DENND5A: variants seen among roughly 807,000 people sequenced by gnomAD.
The protein encoded by DENND5A is DENN domain containing 5A, also known as DENN domain-containing protein 5A.
DENND5A carries 64 observed loss-of-function variants against 140.3 expected under a neutral mutation model. The ratio of observed to expected loss-of-function variants is 0.46; its 90% confidence interval spans 0.37 to 0.56. The LOEUF (loss-of-function observed/expected upper bound fraction) is 0.56. Among genes scored for constraint, DENND5A ranks in the 20% least tolerant of loss-of-function variants. The pLI, the probability that DENND5A is intolerant of heterozygous loss-of-function variation, is 0.00. For synonymous variants in DENND5A, 605 were observed against 607.7 expected, an observed-to-expected ratio of 1.00 and a Z score of 0.07; for missense variants, 1,292 against 1,593.8, an observed-to-expected ratio of 0.81 and a Z score of 3.22.
At chr11:9,144,859 G>T in intron 18 of DENND5A, 136 bp downstream of exon 18, 2 of 687,280 alleles carry the variant, frequency 2.9e-6, no homozygotes, top group Non-Finnish European at 5.3e-6. Flanking sequence ...AAGTGTATGA[G>T]GCAGAGCCAA....
intron 5 of DENND5A, among the ~76,000 whole-genome samples, chr11:9,189,788 G>C (rs1042914530): frequency 1.3e-5 from 2 of 152,182 alleles, no homozygotes; most frequent in Non-Finnish European, 2.9e-5. Context: ...TAACAGGCTT[G>C]TGCCACCATG....
At chr11:9,203,294 A>G (rs1420378835) in intron 4 of DENND5A, among the ~76,000 whole-genome samples, 1 of 152,308 alleles carries the variant, frequency 6.6e-6, no homozygotes, top group Non-Finnish European at 1.5e-5. Context: ...TGAATCCTCA[A>G]TTTTACTAGG....
At chr11:9,222,868 T>C (rs1367621207) in intron 1 of DENND5A, among the ~76,000 whole-genome samples, 1 of 152,230 alleles carries the variant, frequency 6.6e-6, no homozygotes, top group Non-Finnish European at 1.5e-5. Context: ...AAGCTGCAAC[T>C]ACATCAGTTA....
chr11:9,226,423 T>C (rs939413429), intron 1 of DENND5A, among the ~76,000 whole-genome samples: 4 of 152,182 alleles, frequency 2.6e-5, no homozygotes, highest in African/African-American at 9.7e-5. Context: ...ATTTGTTCTA[T>C]CCTTTCCAAT....
intron 1 of DENND5A, among the ~76,000 whole-genome samples, chr11:9,254,936 T>C (rs1851880792): frequency 6.6e-6 from 1 of 151,902 alleles, no homozygotes; most frequent in Non-Finnish European, 1.5e-5. Flanking sequence ...CTGGGCGTGA[T>C]GGCAGATGCA....
At chr11:9,203,076 C>T (rs188918744) in intron 4 of DENND5A, among the ~76,000 whole-genome samples, 1 of 152,310 alleles carries the variant, frequency 6.6e-6, no homozygotes, top group Admixed American at 6.5e-5. Flanking sequence ...ATAGTGCACT[C>T]TCAGTAAATA....
chr11:9,172,157 G>A lies in DENND5A; in HGVS notation c.1907-1380C>T, dbSNP rs926986607. ...TAACTGCAGTCCCTAAGGTAGGGAT[G>A]GGGAGAACAGAAAAATTACTAGAAG... On this transcript the variant is annotated intron_variant, in intron 8 of 22. Coordinates refer to ENST00000328194, the MANE Select transcript of DENND5A (RefSeq NM_015213.4). 2.0e-5 allele frequency: 3 copies of A among 152,210 alleles called. No homozygotes were observed. In the East Asian group the frequency reaches 5.8e-4, roughly 29 times the overall value. 9.4% of individuals were successfully genotyped at this position (152,210 alleles called of 1,614,324 possible).
At chr11:9,207,142 C>T (rs1241521729) in intron 2 of DENND5A, 2 of 427,364 alleles carry the variant, frequency 4.7e-6, no homozygotes, top group Admixed American at 3.9e-5. Flanking sequence ...TGCTTAAAGT[C>T]AACTAAAAAC....
At chr11:9,149,353 G>C (rs2136121704) in intron 15 of DENND5A, among the ~76,000 whole-genome samples, 1 of 152,310 alleles carries the variant, frequency 6.6e-6, no homozygotes, top group African/African-American at 2.4e-5. Context: ...TGAATCCCTA[G>C]TGGATGCCAA....
intron 1 of DENND5A, among the ~76,000 whole-genome samples, chr11:9,228,851 A>G (rs534908712): frequency 1.3e-5 from 2 of 152,296 alleles, no homozygotes; most frequent in African/African-American, 4.8e-5. Flanking sequence ...AACTTGCCCC[A>G]TCCATCTCTT....
In DENND5A at chr11:9,139,446, C is replaced by T. The variant is rs1283567214; in HGVS notation, c.*225G>A. On this transcript the variant is annotated 3_prime_UTR_variant, in exon 23 of 23. Coordinates refer to ENST00000328194, the MANE Select transcript of DENND5A (RefSeq NM_015213.4). ...GCTTCAAAATAAGCGGCACCAGCCT[C>T]GCTCCCTCTCCCTATCACTCTTTCA... 2 of 526,088 alleles carry T rather than the reference C, an allele frequency of 3.8e-6. No individual in the cohort carries two copies. Among genetic ancestry groups the T allele is most frequent in the South Asian group, 2.4e-5 (1 of 41,242 alleles). 32.6% of individuals were successfully genotyped at this position (526,088 alleles called of 1,614,324 possible). A position where few individuals can be genotyped will look rare whatever the true frequency, so the allele number is the denominator to read the frequency against.
rs544467344 is a variant in DENND5A at position 9,140,957 on chromosome 11, T to C, written c.3680+983A>G. ...GCCTGACCAACATGGAGAAACCCCG[T>C]CTCTACTAACAATACAAAACTAGCC... On this transcript the variant is annotated intron_variant, in intron 22 of 22. Transcript: ENST00000328194. Among the ~76,000 whole-genome samples, 375 of 152,124 alleles carry C rather than the reference T, an allele frequency of 2.5e-3. 1 individual carries two copies. Among genetic ancestry groups the C allele is most frequent in the African/African-American group, 7.8e-3 (322 of 41,484 alleles).
chr11:9,195,591 T>C (rs1223956630), intron 4 of DENND5A, among the ~76,000 whole-genome samples: 1 of 152,142 alleles, frequency 6.6e-6, no homozygotes, highest in African/African-American at 2.4e-5. Flanking sequence ...CATAAAGTAG[T>C]TGTAAGTAAC....
intron 15 of DENND5A, among the ~76,000 whole-genome samples, chr11:9,149,305 T>TG (rs1847534931): frequency 6.6e-6 from 1 of 152,234 alleles, no homozygotes; most frequent in African/African-American, 2.4e-5. Flanking sequence ...GTCCACCTCC[T>TG]GTCTGTGCAG....
chr11:9,239,222 G>A (rs980829599), intron 1 of DENND5A, among the ~76,000 whole-genome samples: 1 of 151,572 alleles, frequency 6.6e-6, no homozygotes, highest in Admixed American at 6.6e-5. Flanking sequence ...TAAGAGACAG[G>A]AGCCTCACAA....
intron 1 of DENND5A, among the ~76,000 whole-genome samples, chr11:9,251,688 A>G (rs1442050669): frequency 6.6e-6 from 1 of 152,190 alleles, no homozygotes; most frequent in Non-Finnish European, 1.5e-5. Context: ...TTCACTTAGT[A>G]ACTTTTAAGA....
intron 1 of DENND5A, among the ~76,000 whole-genome samples, chr11:9,214,739 T>G (rs961699016): frequency 1.3e-4 from 20 of 152,244 alleles, no homozygotes; most frequent in South Asian, 2.1e-4. Flanking sequence ...GTTTTGTTTT[T>G]TTGAGACGGA....
intron 12 of DENND5A, among the ~76,000 whole-genome samples, chr11:9,156,728 G>A (rs1195710557): frequency 6.6e-6 from 1 of 152,042 alleles, no homozygotes; most frequent in Non-Finnish European, 1.5e-5. Context: ...CTTGAACTCA[G>A]GATGTGGAGG....
chr11:9,160,953 A>C (rs1847962784), intron 11 of DENND5A, 88 bp from the exon 12 acceptor site: 1 of 1,321,748 alleles, frequency 7.6e-7, no homozygotes, highest in Admixed American at 1.9e-5. Context: ...TGCACAGTAC[A>C]TCTGTTGGGC....
Sources: gnomAD v4.1 joint callset for allele counts (sites outside exome capture counted in the v4.1 genomes callset) on GRCh38, gnomAD v4.1.1 for gene constraint, MANE v1.5 for transcripts, NCBI Gene and HGNC (gene_info 2026-07-23, HGNC 2026-07-21) for gene names.